The following OLA1 variants were observed in gnomAD, a reference collection of about 807,000 sequenced individuals.
The protein encoded by OLA1 is Obg like ATPase 1, also known as obg-like ATPase 1.
A neutral mutation model predicts 48.4 loss-of-function variants in OLA1; 14 were observed. The observed-to-expected ratio is 0.29, with a 90% CI of 0.19 to 0.45. The LOEUF (loss-of-function observed/expected upper bound fraction) is 0.45, where lower values mean the gene tolerates loss of function less well. Ranked by LOEUF, OLA1 falls within the 20% of genes least tolerant of loss-of-function variation. OLA1 has a pLI of 1.00. For missense variants in OLA1, 325 were observed against 467.1 expected, an observed-to-expected ratio of 0.70 and a Z score of 2.80; for synonymous variants, 127 against 150.4, an observed-to-expected ratio of 0.84 and a Z score of 1.14.
chr2:174,097,710 G>GTGA (rs1469623875), intron 7 of OLA1, among the ~76,000 whole-genome samples: 1 of 151,182 alleles, frequency 6.6e-6, no homozygotes, highest in East Asian at 1.9e-4. Flanking sequence ...GGGCGACAGA[G>GTGA]TGAGACTGTC....
chr2:174,213,958 T>A (rs1002052307), intron 4 of OLA1, among the ~76,000 whole-genome samples: 4 of 151,284 alleles, frequency 2.6e-5, no homozygotes, highest in African/African-American at 4.9e-5. Flanking sequence ...ATAATTTTTT[T>A]AAATATAAAA....
intron 7 of OLA1, among the ~76,000 whole-genome samples, chr2:174,119,491 T>C (rs1685860113): frequency 6.6e-6 from 1 of 152,078 alleles, no homozygotes; most frequent in Non-Finnish European, 1.5e-5. Context: ...AAATAGAAAA[T>C]TGTGTGTCAA....
chr2:174,229,468 C>A lies in OLA1; in HGVS notation c.102-17G>T. 6.3e-7 allele frequency: 1 copy of A among 1,588,914 alleles called. No homozygotes were observed. The stretch of plus-strand genomic sequence containing the variant: ...GTAGATTTCCTAAAACAAATAAAAG[C>A]AATTTCAATCAATTCTTAGGTTAAC... On this transcript the variant is annotated splice_polypyrimidine_tract_variant and intron_variant, in intron 2 of 10. Transcript: ENST00000284719.
At chr2:174,076,046 T>G (rs1250215911) in intron 10 of OLA1, among the ~76,000 whole-genome samples, 1 of 152,230 alleles carries the variant, frequency 6.6e-6, no homozygotes, top group Non-Finnish European at 1.5e-5. Flanking sequence ...TTTTAAAATT[T>G]AGTCTTGACA....
At chr2:174,228,446 G>A (rs1403361411) in intron 3 of OLA1, among the ~76,000 whole-genome samples, 1 of 152,038 alleles carries the variant, frequency 6.6e-6, no homozygotes, top group Non-Finnish European at 1.5e-5. Context: ...ATTATGGAAG[G>A]ATATATCCCC....
intron 10 of OLA1, among the ~76,000 whole-genome samples, chr2:174,077,363 TAC>T (rs758575734): frequency 1.8e-4 from 27 of 150,180 alleles, no homozygotes; most frequent in African/African-American, 6.1e-4. Flanking sequence ...CATACATACA[TAC>T]ACACACATAT....
chr2:174,131,505 GTATT>G (rs1299818644), intron 5 of OLA1, among the ~76,000 whole-genome samples: 10 of 152,056 alleles, frequency 6.6e-5, no homozygotes, highest in African/African-American at 9.7e-5. Context: ...TGTAGGTCAG[GTATT>G]TATCCAAACT....
At chr2:174,239,218 A>C (rs1688936985) in intron 2 of OLA1, among the ~76,000 whole-genome samples, 1 of 152,208 alleles carries the variant, frequency 6.6e-6, no homozygotes, top group Non-Finnish European at 1.5e-5. Flanking sequence ...TTAGGGGGCA[A>C]AAGTATGAGA....
At chr2:174,194,894 G>A (rs535923988) in intron 4 of OLA1, among the ~76,000 whole-genome samples, 1 of 152,178 alleles carries the variant, frequency 6.6e-6, no homozygotes, top group South Asian at 2.1e-4. Flanking sequence ...ATTCTACAAT[G>A]TGCTCTTGGT....
intron 2 of OLA1, among the ~76,000 whole-genome samples, chr2:174,238,843 C>T (rs1201475376): frequency 6.6e-6 from 1 of 151,972 alleles, no homozygotes; most frequent in Non-Finnish European, 1.5e-5. Context: ...CTGAAAGATA[C>T]TGTGGTGTCA....
chr2:174,222,097 T>C (rs1057450262), intron 4 of OLA1, among the ~76,000 whole-genome samples: 3 of 152,186 alleles, frequency 2.0e-5, no homozygotes, highest in Non-Finnish European at 2.9e-5. Flanking sequence ...TTGGGCATTA[T>C]GTTGGCAAAA....
intron 4 of OLA1, among the ~76,000 whole-genome samples, chr2:174,158,357 G>A (rs543168465): frequency 2.6e-5 from 4 of 151,986 alleles, no homozygotes; most frequent in South Asian, 2.1e-4. Flanking sequence ...CACACAGCAC[G>A]TTATGGTACA....
At chr2:174,113,837 T>TA (rs1441191541) in intron 7 of OLA1, among the ~76,000 whole-genome samples, 2 of 152,196 alleles carry the variant, frequency 1.3e-5, no homozygotes, top group African/African-American at 4.8e-5. Context: ...TTCTACCACT[T>TA]ACCTGCTCCA....
chr2:174,124,020 G>A (rs1359164914), intron 5 of OLA1, among the ~76,000 whole-genome samples: 1 of 152,124 alleles, frequency 6.6e-6, no homozygotes, highest in Non-Finnish European at 1.5e-5. Flanking sequence ...ATTAGAAAAT[G>A]GAGTGAGGGG....
intron 4 of OLA1, among the ~76,000 whole-genome samples, chr2:174,154,075 C>T (rs1403813203): frequency 3.3e-5 from 5 of 152,112 alleles, no homozygotes; most frequent in East Asian, 1.9e-4. Flanking sequence ...CTTGTTATCT[C>T]GCCCAGGCTG....
At chr2:174,152,624 T>C (rs1022915660) in intron 4 of OLA1, among the ~76,000 whole-genome samples, 5 of 152,164 alleles carry the variant, frequency 3.3e-5, no homozygotes, top group African/African-American at 1.2e-4. Context: ...TATTAATCAG[T>C]GAATATATAT....
chr2:174,189,066 T>C (rs1180437506), intron 4 of OLA1, among the ~76,000 whole-genome samples: 1 of 152,168 alleles, frequency 6.6e-6, no homozygotes, highest in Non-Finnish European at 1.5e-5. Flanking sequence ...CATAGGAATC[T>C]AGCATATGAT....
intron 2 of OLA1, among the ~76,000 whole-genome samples, chr2:174,245,396 C>CG (rs1269743495): frequency 5.3e-5 from 8 of 152,280 alleles, no homozygotes; most frequent in African/African-American, 1.7e-4. Flanking sequence ...CACTTGGTCA[C>CG]GCCATGCTCT....
intron 7 of OLA1, among the ~76,000 whole-genome samples, chr2:174,098,411 C>T (rs1685309474): frequency 6.6e-6 from 1 of 152,032 alleles, no homozygotes; most frequent in Non-Finnish European, 1.5e-5. Flanking sequence ...AAGGAAGGAT[C>T]GGGAAATGTG....
Sources: gnomAD v4.1 joint callset for allele counts (sites outside exome capture counted in the v4.1 genomes callset) on GRCh38, gnomAD v4.1.1 for gene constraint, MANE v1.5 for transcripts, NCBI Gene and HGNC (gene_info 2026-07-23, HGNC 2026-07-21) for gene names.